Variants in GPATCH2L observed in about 807,000 individuals in gnomAD.
GPATCH2L encodes G-patch domain containing 2 like, also known as G patch domain-containing protein 2-like.
In GPATCH2L, 31 loss-of-function variants were observed where a neutral mutation model predicts 57.4. The observed-to-expected ratio is 0.54, with a 90% CI of 0.41 to 0.73. The LOEUF is 0.73. Among genes scored for constraint, GPATCH2L ranks in the 30% least tolerant of loss-of-function variants. The pLI, the probability that GPATCH2L is intolerant of heterozygous loss-of-function variation, is 0.00. For missense variants in GPATCH2L, 481 were observed against 599.9 expected (o/e 0.80, Z 2.07); for synonymous variants, 199 against 210.7 (o/e 0.94, Z 0.48).
chr14:76,173,069 AGTT>A (rs1218500930), intron 4 of GPATCH2L, among the ~76,000 whole-genome samples: 2 of 152,332 alleles, frequency 1.3e-5, no homozygotes, highest in East Asian at 3.9e-4. Context: ...GGTTTCCTCC[AGTT>A]GTTCTTTCCT....
intron 6 of GPATCH2L, 50 bp from the exon 7 acceptor site, chr14:76,177,938 T>C (rs1013925247): frequency 6.2e-7 from 1 of 1,600,936 alleles, no homozygotes; most frequent in South Asian, 1.1e-5. Flanking sequence ...TCAGGTAAGA[T>C]CATTTTTCTT....
rs2040439768 is a variant in GPATCH2L at position 76,211,461 on chromosome 14, G to A, written c.*9610G>A. On this transcript the variant is annotated 3_prime_UTR_variant, in exon 10 of 10. Coordinates refer to ENST00000261530, the MANE Select transcript of GPATCH2L (RefSeq NM_017926.4). ...TGTTAAAACTAGGTTAAACTGAATT[G>A]GAAGTAATGGTGTATTTGGAATCAT... The A allele has an allele frequency of 6.6e-6, 1 of 152,182 alleles. No individual in the cohort carries two copies. The highest frequency in any genetic ancestry group is 2.1e-4 in the South Asian group (1 of 4,832). The allele number at this position is 152,182 out of a possible 1,614,324, so 9.4% of individuals were successfully genotyped here.
At position 76,154,482 on chromosome 14, in the gene GPATCH2L, G is replaced by C. The variant is rs771836904; in HGVS notation, c.119G>C (p.Arg40Pro). The change falls in exon 2 of 10, where the codon CGG (arginine) becomes CCG (proline). Residue 40 changes from arginine to proline, a missense_variant. Coordinates refer to ENST00000261530, the MANE Select transcript of GPATCH2L (RefSeq NM_017926.4). This position sits in a 1 kb window ranked among gnomAD's most constrained non-coding sequence, Gnocchi z 4.4. ...CCCCGACAGCAGAGGCGGCAGCTTC[G>C]GAAACGCCGAGGTCGGAAGCGTCGT... is the stretch of plus-strand genomic sequence containing the variant. The part of the protein sequence containing the change: ...LSPRQQRRQL[R>P]KRRGRKRRSD... The C allele has an allele frequency of 6.2e-7, 1 of 1,614,174 alleles. No homozygotes were observed.
rs1244057316 is a variant in GPATCH2L, at chr14:76,210,847, A to C, written c.*8996A>C. 1 of 152,204 alleles carries C rather than the reference A, an allele frequency of 6.6e-6. No individual in the cohort carries two copies. Among genetic ancestry groups the C allele is most frequent in the Non-Finnish European group, 1.5e-5 (1 of 68,032 alleles). 9.4% of individuals were successfully genotyped at this position (152,204 alleles called of 1,614,324 possible). A position where few individuals can be genotyped will look rare whatever the true frequency, so the allele number is the denominator to read the frequency against. ...TTTTAGAAATGCCCCTTCATTCATT[A>C]GATGTGTATGGAACACATCTTATGC... On this transcript the variant is annotated 3_prime_UTR_variant, in exon 10 of 10. Coordinates refer to ENST00000261530, the MANE Select transcript of GPATCH2L (RefSeq NM_017926.4).
intron 1 of GPATCH2L, among the ~76,000 whole-genome samples, chr14:76,224,564 T>TA (rs759926572): frequency 2.0e-4 from 30 of 152,166 alleles, no homozygotes; most frequent in Non-Finnish European, 1.0e-4. Flanking sequence ...TAAAGATCAG[T>TA]AAAAATCTTA....
At chr14:76,189,841 C>A (rs551112959) in intron 8 of GPATCH2L, among the ~76,000 whole-genome samples, 9 of 152,188 alleles carry the variant, frequency 5.9e-5, no homozygotes, top group African/African-American at 2.2e-4. Flanking sequence ...GTGGGCCTGT[C>A]ATATATGGCT....
intron 1 of GPATCH2L, among the ~76,000 whole-genome samples, chr14:76,227,750 C>T (rs1362974712): frequency 6.6e-6 from 1 of 152,126 alleles, no homozygotes; most frequent in Non-Finnish European, 1.5e-5. Flanking sequence ...TTGATATCCA[C>T]ACTGCATAGG....
intron 8 of GPATCH2L, among the ~76,000 whole-genome samples, chr14:76,189,432 A>T (rs2039885411): frequency 6.6e-6 from 1 of 151,846 alleles, no homozygotes; most frequent in Admixed American, 6.6e-5. Flanking sequence ...TCTGTAAGTT[A>T]ATTCCTAGGT....
chr14:76,155,306 A>G (rs937369657), intron 2 of GPATCH2L, among the ~76,000 whole-genome samples: 3 of 152,196 alleles, frequency 2.0e-5, no homozygotes, highest in East Asian at 1.9e-4. Flanking sequence ...TTAAAAAACA[A>G]TTTGCTGCTT....
intron 3 of GPATCH2L, among the ~76,000 whole-genome samples, chr14:76,171,240 C>G (rs2139655312): frequency 6.6e-6 from 1 of 150,664 alleles, no homozygotes; most frequent in East Asian, 2.0e-4. Flanking sequence ...CAAGAGCAGC[C>G]TGGGCAACAT....
rs774914139 is a variant in GPATCH2L, at chr14:76,171,888, C to T, written c.773C>T (p.Pro258Leu). The T allele has an allele frequency of 1.2e-6, 2 of 1,609,082 alleles. No homozygotes were observed. Among genetic ancestry groups the T allele is most frequent in the African/African-American group, 2.7e-5 (2 of 74,728 alleles). ...SDWFYEGECV[P>L]GFTVPNLLPK... ...TGGTTCTATGAAGGAGAATGTGTCC[C>T]AGGATTCACTGTCCCTAATCTTCTG... Residue 258 changes from proline (P) to leucine (L), a missense_variant, in exon 4 of 10, where the codon CCA (proline) becomes CTA (leucine). Around this residue, in one of 3 missense-constraint regions of GPATCH2L, gnomAD observed 25 missense variants for 56.9 expected, o/e 0.44. Transcript: ENST00000261530.
intron 1 of GPATCH2L, among the ~76,000 whole-genome samples, chr14:76,221,350 G>A (rs1425939814): frequency 6.6e-6 from 1 of 152,156 alleles, no homozygotes; most frequent in African/African-American, 2.4e-5. Flanking sequence ...AACACCAAAT[G>A]CTGGTGAGCA....
At chr14:76,182,758 G>A (rs2039624895) in intron 8 of GPATCH2L, among the ~76,000 whole-genome samples, 1 of 152,106 alleles carries the variant, frequency 6.6e-6, no homozygotes, top group Non-Finnish European at 1.5e-5. Context: ...CCCTCAAGGA[G>A]CTTACATTCT....
At position 76,213,696 on chromosome 14, in the gene GPATCH2L, A is replaced by G. The variant is rs186634624; in HGVS notation, c.*11845A>G. 1 of 151,986 alleles carries G rather than the reference A, an allele frequency of 6.6e-6. No homozygotes were observed. Among genetic ancestry groups the G allele is most frequent in the Non-Finnish European group, 1.5e-5 (1 of 67,998 alleles). The allele number at this position is 151,986 out of a possible 1,614,324, so 9.4% of individuals were successfully genotyped here. A position where few individuals can be genotyped will look rare whatever the true frequency, so the allele number is the denominator to read the frequency against. The stretch of plus-strand genomic sequence containing the variant: ...GGGCTCTTGATCCAAAACCTTTTTT[A>G]AAAAAAATAATTTTAGACTTAACAG... On this transcript the variant is annotated 3_prime_UTR_variant, in exon 10 of 10. Coordinates refer to ENST00000261530, the MANE Select transcript of GPATCH2L (RefSeq NM_017926.4).
chr14:76,222,121 ACTACT>A (rs2040517494), intron 1 of GPATCH2L, among the ~76,000 whole-genome samples: 1 of 152,140 alleles, frequency 6.6e-6, no homozygotes, highest in Non-Finnish European at 1.5e-5. Flanking sequence ...TGAATCCAAA[ACTACT>A]CTAAACTCTA....
intron 1 of GPATCH2L, among the ~76,000 whole-genome samples, chr14:76,153,197 GTGAAAAC>G (rs1404542980): frequency 6.6e-6 from 1 of 152,258 alleles, no homozygotes; most frequent in Non-Finnish European, 1.5e-5. Flanking sequence ...CCTTTGCAAA[GTGAAAAC>G]TGAATGAATG....
intron 1 of GPATCH2L, among the ~76,000 whole-genome samples, chr14:76,220,657 T>G (rs909947905): frequency 6.6e-6 from 1 of 152,176 alleles, no homozygotes; most frequent in Non-Finnish European, 1.5e-5. Flanking sequence ...AAGCACCCAT[T>G]GAATTTTTAC....
intron 2 of GPATCH2L, among the ~76,000 whole-genome samples, chr14:76,233,363 G>A (rs2040583544): frequency 6.6e-6 from 1 of 152,170 alleles, no homozygotes; most frequent in Non-Finnish European, 1.5e-5. Context: ...CTGGCAATTT[G>A]ATAGATACAA....
chr14:76,180,057 G>A (rs1359007024), intron 7 of GPATCH2L: 2 of 151,232 alleles, frequency 1.3e-5, no homozygotes, highest in Non-Finnish European at 2.9e-5. Context: ...TTAGCTGGGT[G>A]TGGTGGTAGG....
Sources: allele counts gnomAD v4.1 joint callset (sites outside exome capture counted in the v4.1 genomes callset), GRCh38; gene constraint gnomAD v4.1.1; regional missense constraint gnomAD v4.1.1; non-coding constraint Gnocchi (gnomAD v3.1); transcripts MANE v1.5; gene names NCBI Gene and HGNC (gene_info 2026-07-23, HGNC 2026-07-21).